The following CRYL1 variants were observed in gnomAD, a reference collection of about 807,000 sequenced individuals.
The protein encoded by CRYL1 is crystallin lambda 1, also known as lambda-crystallin homolog.
In CRYL1, 29 loss-of-function variants were observed where a neutral mutation model predicts 36.6. That is an observed-to-expected ratio of 0.79 (90% CI 0.59 to 1.08). CRYL1 has a LOEUF of 1.08. CRYL1 is among the 50% of genes least tolerant of loss of function. The probability of loss-of-function intolerance (pLI) is 0.00; values close to 1 mark genes in which losing one functional copy is unlikely to be tolerated. For synonymous variants in CRYL1, 152 were observed against 151.5 expected, an observed-to-expected ratio of 1.00 and a Z score of -0.02; for missense variants, 411 against 407.9, an observed-to-expected ratio of 1.01 and a Z score of -0.06.
At chr13:20,454,476 G>T (rs1247107295) in intron 3 of CRYL1, among the ~76,000 whole-genome samples, 2 of 146,936 alleles carry the variant, frequency 1.4e-5, no homozygotes. Flanking sequence ...GGAGTGCAGT[G>T]GTGCGATCTC....
Position 20,460,743 on chromosome 13 carries a change from T to C in CRYL1, c.277-20989A>G, listed in dbSNP as rs994235329. Among the ~76,000 whole-genome samples the C allele has an allele frequency of 5.3e-5, 8 of 152,196 alleles. No individual in the cohort carries two copies. The South Asian group carries it at 1.0e-3, about 20-fold the overall frequency. ...GGTTTCACTGTGTTAGCCAGAATGG[T>C]CTCGATCTCCTGACATCGTGATCTG... On this transcript the variant is annotated intron_variant, in intron 3 of 7. Coordinates refer to ENST00000298248, the MANE Select transcript of CRYL1 (RefSeq NM_015974.3).
intron 3 of CRYL1, among the ~76,000 whole-genome samples, chr13:20,475,805 G>A (rs918595627): frequency 3.3e-5 from 5 of 152,204 alleles, no homozygotes; most frequent in African/African-American, 1.2e-4. Flanking sequence ...TACCAACTAG[G>A]ATGGCAAGAT....
In CRYL1 at chr13:20,425,741, C is replaced by T. The variant is rs1467341818; in HGVS notation, c.633+6361G>A. On this transcript the variant is annotated intron_variant, in intron 5 of 7. Coordinates refer to ENST00000298248, the MANE Select transcript of CRYL1 (RefSeq NM_015974.3). This position sits in a 1 kb window ranked among gnomAD's most constrained non-coding sequence, Gnocchi z 4.4. ...AGAACATGTTCATGCCCTTGGCTCCCCTTTGTGTAACCTCCCAGTCTGCCA... is the reference window on the plus strand; with the variant it reads ...AGAACATGTTCATGCCCTTGGCTCCTCTTTGTGTAACCTCCCAGTCTGCCA... Among the ~76,000 whole-genome samples, 1 of 152,134 alleles carries T rather than the reference C, an allele frequency of 6.6e-6. No individual in the cohort carries two copies. Among genetic ancestry groups the T allele is most frequent in the Non-Finnish European group, 1.5e-5 (1 of 68,034 alleles).
In CRYL1 at chr13:20,525,790, G is replaced by C; in HGVS notation, c.5C>G (p.Ala2Gly). 3 of 1,270,290 alleles carry C rather than the reference G, an allele frequency of 2.4e-6. No individual in the cohort carries two copies. The highest frequency in any genetic ancestry group is 3.0e-6 in the Non-Finnish European group (3 of 1,006,934). The allele number at this position is 1,270,290 out of a possible 1,614,324, so 78.7% of individuals were successfully genotyped here. A position where few individuals can be genotyped will look rare whatever the true frequency, so the allele number is the denominator to read the frequency against. The change falls in exon 1 of 8, where the codon GCG becomes GGG. Residue 2 changes from alanine to glycine, a missense_variant. By Grantham distance (60) the Ala-to-Gly change is moderately conservative. Coordinates refer to ENST00000298248, the MANE Select transcript of CRYL1 (RefSeq NM_015974.3). The surrounding 1 kb of genome is among the most constrained non-coding windows in gnomAD (Gnocchi z 4.3). M[A>G]SSAAGCVVIV... ...CACCACGCAGCCGGCCGCGGAGGAC[G>C]CCATGGTTGGGCCGGGGACGCGGCG...
At chr13:20,438,039 G>A (rs1002770713) in intron 4 of CRYL1, among the ~76,000 whole-genome samples, 2 of 152,150 alleles carry the variant, frequency 1.3e-5, no homozygotes, top group Non-Finnish European at 1.5e-5. Flanking sequence ...AGGGTCCCTC[G>A]TAATGCTAAT....
At chr13:20,501,836 C>T (rs1217477500) in intron 2 of CRYL1, among the ~76,000 whole-genome samples, 1 of 152,186 alleles carries the variant, frequency 6.6e-6, no homozygotes, top group Non-Finnish European at 1.5e-5. Context: ...CCAGACTCCA[C>T]CCGACTCCAG....
intron 3 of CRYL1, among the ~76,000 whole-genome samples, chr13:20,457,523 T>C (rs1004533036): frequency 1.3e-5 from 2 of 152,216 alleles, no homozygotes; most frequent in African/African-American, 4.8e-5. Context: ...TGAAATACAG[T>C]ACTCATTCGA....
chr13:20,425,211 C>A lies in CRYL1; in HGVS notation c.633+6891G>T, dbSNP rs1019255638. Among the ~76,000 whole-genome samples, 2 of 152,246 alleles carry A rather than the reference C, an allele frequency of 1.3e-5. No individual in the cohort carries two copies. The highest frequency in any genetic ancestry group is 2.9e-5 in the Non-Finnish European group (2 of 68,048). ...ACCCCGTCTCCTGTTGGCGGTGGCT[C>A]CGCACAGGCTTCCTCTTGTCAAGCT... On this transcript the variant is annotated intron_variant, in intron 5 of 7. Coordinates refer to ENST00000298248, the MANE Select transcript of CRYL1 (RefSeq NM_015974.3). The surrounding 1 kb of genome is among the most constrained non-coding windows in gnomAD (Gnocchi z 4.4).
At chr13:20,470,999 T>C (rs1344903604) in intron 3 of CRYL1, among the ~76,000 whole-genome samples, 5 of 151,084 alleles carry the variant, frequency 3.3e-5, no homozygotes, top group Admixed American at 6.6e-5. Context: ...TAACCTCTGG[T>C]CTGAGTTTCA....
Position 20,464,313 on chromosome 13 carries a change from G to A in CRYL1, c.277-24559C>T, listed in dbSNP as rs149746177. 6.2e-3 allele frequency among the ~76,000 whole-genome samples: 945 copies of A among 152,266 alleles called. 14 individuals are homozygous for A. The highest frequency in any genetic ancestry group is 0.021 in the African/African-American group (892 of 41,540). ...GGAGGTTGAGGCAGGAGAATTGCTT[G>A]AACTCAGGAGGCAGAGGTTGCAGTG... On this transcript the variant is annotated intron_variant, in intron 3 of 7. Coordinates refer to ENST00000298248, the MANE Select transcript of CRYL1 (RefSeq NM_015974.3).
intron 5 of CRYL1, among the ~76,000 whole-genome samples, chr13:20,428,981 G>C (rs2031993803): frequency 6.6e-6 from 1 of 152,110 alleles, no homozygotes; most frequent in Non-Finnish European, 1.5e-5. Flanking sequence ...ACTTCAACTT[G>C]CTTTATGAGC....
chr13:20,433,808 T>G (rs1471478852), intron 4 of CRYL1: 1 of 154,408 alleles, frequency 6.5e-6, no homozygotes, highest in African/African-American at 2.4e-5. Context: ...TTAGAAAGCA[T>G]TTCTATGTAC....
intron 2 of CRYL1, among the ~76,000 whole-genome samples, chr13:20,508,787 T>G (rs2033850261): frequency 7.9e-6 from 1 of 127,252 alleles, no homozygotes; most frequent in East Asian, 2.6e-4. Flanking sequence ...AGGTGGAGCT[T>G]GCAGCGAGCA....
At chr13:20,469,347 A>G (rs530442354) in intron 3 of CRYL1, among the ~76,000 whole-genome samples, 1 of 152,350 alleles carries the variant, frequency 6.6e-6, no homozygotes, top group Non-Finnish European at 1.5e-5. Flanking sequence ...AAATCCACAG[A>G]CAAAACAAGC....
At chr13:20,440,003 G>T (rs1334292716) in intron 3 of CRYL1, 1 of 397,964 alleles carries the variant, frequency 2.5e-6, no homozygotes, top group East Asian at 4.1e-5. Context: ...ATGAAGCAGG[G>T]CATAAGACCC....
chr13:20,413,507 G>T, intron 5 of CRYL1, 120 bp from the exon 6 acceptor site: 1 of 614,812 alleles, frequency 1.6e-6, no homozygotes, highest in South Asian at 2.1e-5. Context: ...CACTATACAG[G>T]GTGAGTACCA....
chr13:20,469,827 T>C (rs564150844), intron 3 of CRYL1, among the ~76,000 whole-genome samples: 1 of 152,340 alleles, frequency 6.6e-6, no homozygotes, highest in African/African-American at 2.4e-5. Context: ...TGGGAAGGCT[T>C]GCTGGCAAAG....
At chr13:20,467,725 C>T (rs979927620) in intron 3 of CRYL1, among the ~76,000 whole-genome samples, 3 of 152,080 alleles carry the variant, frequency 2.0e-5, no homozygotes, top group African/African-American at 7.2e-5. Context: ...GGATGCTGAG[C>T]CAGTGGAATC....
chr13:20,499,617 A>G (rs2033669896), intron 2 of CRYL1, among the ~76,000 whole-genome samples: 1 of 152,016 alleles, frequency 6.6e-6, no homozygotes, highest in African/African-American at 2.4e-5. Context: ...ATGCCACTGC[A>G]CTCCAGCCTG....
Sources: gnomAD v4.1 joint callset for allele counts (sites outside exome capture counted in the v4.1 genomes callset) on GRCh38, gnomAD v4.1.1 for gene constraint, Gnocchi (gnomAD v3.1) non-coding constraint, MANE v1.5 for transcripts, NCBI Gene and HGNC (gene_info 2026-07-23, HGNC 2026-07-21) for gene names.